Variants in GET3 observed in about 807,000 individuals in gnomAD.
GET3 encodes guided entry of tail-anchored proteins factor 3, ATPase.
Under a neutral mutation model 32.4 loss-of-function variants are expected in GET3, and 15 were observed. The ratio of observed to expected loss-of-function variants is 0.46; its 90% CI spans 0.31 to 0.71. The LOEUF (loss-of-function observed/expected upper bound fraction) is 0.71. Among genes scored for constraint, GET3 ranks in the 30% least tolerant of loss-of-function variants. GET3 has a pLI of 0.05. For missense variants in GET3, 333 were observed against 459.0 expected (o/e 0.73, Z 2.51); for synonymous variants, 198 against 185.6 (o/e 1.07, Z -0.54).
At chr19:12,737,288 AT>A, upstream of GET3, 5 of 599,080 alleles carry the variant, frequency 8.3e-6, no homozygotes, top group Non-Finnish European at 1.1e-5. Flanking sequence ...CGATGTGTTC[AT>A]TAGGTAGGGG....
chr19:12,737,527 TG>T lies in GET3; in HGVS notation c.28del (p.Val10LeufsTer28). MAAGVAGWGVEAEEFEDA... is the reference protein window; with the variant it reads MAAGVAGXGVEAEEFEDA... The stretch of plus-strand genomic sequence containing the variant: ...CAAAATGGCGGCAGGGGTGGCCGGG[TG>T]GGGGGTTGAGGCAGAGGAGTTCGAA... On this transcript the variant is annotated frameshift_variant, in exon 1 of 7. Coordinates refer to ENST00000357332, the MANE Select transcript of GET3 (RefSeq NM_004317.4). LOFTEE classifies it high-confidence loss of function. 5.8e-6 allele frequency: 9 copies of T among 1,551,800 alleles called. No individual in the cohort carries two copies. Among genetic ancestry groups the T allele is most frequent in the Admixed American group, 4.0e-5 (2 of 49,404 alleles).
chr19:12,748,067 T>A lies in GET3; in HGVS notation c.1010T>A (p.Leu337His), dbSNP rs1237201608. Reference protein sequence around the residue: ...GADKVNTFSALLLEPYKPPSA... With the variant: ...GADKVNTFSAHLLEPYKPPSA... ...GACAAGGTCAACACCTTCTCGGCCC[T>A]CCTCCTGGAGCCCTACAAGCCCCCC... is the stretch of plus-strand genomic sequence containing the variant. The change falls in exon 7 of 7, where the codon CTC becomes CAC. Residue 337 changes from leucine to histidine, a missense_variant. Physicochemically the swap from Leu to His is moderately conservative, Grantham distance 99. Coordinates refer to ENST00000357332, the MANE Select transcript of GET3 (RefSeq NM_004317.4). 1 of 1,610,388 alleles carries A rather than the reference T, an allele frequency of 6.2e-7. No homozygotes were observed. The highest frequency in any genetic ancestry group is 1.3e-5 in the African/African-American group (1 of 74,914).
chr19:12,739,284 C>T (rs1967624356), intron 2 of GET3, among the ~76,000 whole-genome samples: 1 of 152,146 alleles, frequency 6.6e-6, no homozygotes, highest in South Asian at 2.1e-4. Context: ...GCTCCTGCCT[C>T]AGCCTCCCGA....
chr19:12,742,680 C>A (rs1967692714), intron 2 of GET3, among the ~76,000 whole-genome samples: 2 of 152,002 alleles, frequency 1.3e-5, no homozygotes, highest in Non-Finnish European at 2.9e-5. Context: ...TCCCAAAGTG[C>A]TGGGATTACA....
In GET3 at chr19:12,748,072, C is replaced by T. The variant is rs1278854291; in HGVS notation, c.1015C>T (p.Leu339=). 6.8e-6 allele frequency: 11 copies of T among 1,610,144 alleles called. No homozygotes were observed. The highest frequency in any genetic ancestry group is 9.3e-6 in the Non-Finnish European group (11 of 1,177,350). Reference sequence around the variant, plus strand: ...GGTCAACACCTTCTCGGCCCTCCTCCTGGAGCCCTACAAGCCCCCCAGTGC... The same window carrying T: ...GGTCAACACCTTCTCGGCCCTCCTCTTGGAGCCCTACAAGCCCCCCAGTGC... The part of the protein sequence containing the change: ...DKVNTFSALL[L]EPYKPPSAQ Residue 339 remains leucine (L), a synonymous_variant, in exon 7 of 7, where the codon CTG becomes TTG. Transcript: ENST00000357332.
rs768874210 is a variant in GET3 at position 12,745,551 on chromosome 19, G to T, written c.458+26G>T. 1.8e-4 allele frequency: 284 copies of T among 1,612,564 alleles called. No homozygotes were observed. The highest frequency in any genetic ancestry group is 2.3e-4 in the Non-Finnish European group (277 of 1,179,996). ...GTCAGGCCCAGCCAGCAGGGGTGGG[G>T]GCTGCCTGGGGAAGGGGAAGAGCGG... On this transcript the variant is annotated intron_variant, in intron 3 of 6. Transcript: ENST00000357332. This position sits in a 1 kb window ranked among gnomAD's most constrained non-coding sequence, Gnocchi z 5.0.
intron 2 of GET3, among the ~76,000 whole-genome samples, chr19:12,744,173 G>A (rs1348642310): frequency 4.9e-5 from 7 of 144,328 alleles, no homozygotes; most frequent in South Asian, 2.3e-4. Context: ...CTGAGATCGC[G>A]CCACTGCACT....
In GET3 at chr19:12,747,674, C is replaced by G. The variant is rs1967799795; in HGVS notation, c.915+82C>G. ...TGATCTTTTGCTCCACCATCTGGCC[C>G]TCTGCCCTCTAGCCTCCTGCCCTTT... On this transcript the variant is annotated intron_variant, in intron 6 of 6. Coordinates refer to ENST00000357332, the MANE Select transcript of GET3 (RefSeq NM_004317.4). The surrounding 1 kb of genome is among the most constrained non-coding windows in gnomAD (Gnocchi z 4.0). The G allele has an allele frequency of 6.7e-7, 1 of 1,484,984 alleles. No homozygotes were observed. Among genetic ancestry groups the G allele is most frequent in the African/African-American group, 1.4e-5 (1 of 71,750 alleles). The allele number at this position is 1,484,984 out of a possible 1,614,324, so 92.0% of individuals were successfully genotyped here. A position where few individuals can be genotyped will look rare whatever the true frequency, so the allele number is the denominator to read the frequency against.
At position 12,747,094 on chromosome 19, in the gene GET3, A is replaced by C; in HGVS notation, c.610-103A>C. 2.3e-6 allele frequency: 2 copies of C among 864,922 alleles called. No homozygotes were observed. The highest frequency in any genetic ancestry group is 3.6e-5 in the South Asian group (2 of 56,324). The allele number at this position is 864,922 out of a possible 1,614,324, so 53.6% of individuals were successfully genotyped here. A position where few individuals can be genotyped will look rare whatever the true frequency, so the allele number is the denominator to read the frequency against. On this transcript the variant is annotated intron_variant, in intron 4 of 6. Transcript: ENST00000357332. This position sits in a 1 kb window ranked among gnomAD's most constrained non-coding sequence, Gnocchi z 4.0. ...ATCTGCTTATGGGCCTGAGCCTTTAACCACTGGGAGGTATCAGGAGTCATC... is the reference window on the plus strand; with the variant it reads ...ATCTGCTTATGGGCCTGAGCCTTTACCCACTGGGAGGTATCAGGAGTCATC...
chr19:12,741,962 C>T (rs921130111), intron 2 of GET3, among the ~76,000 whole-genome samples: 1 of 152,098 alleles, frequency 6.6e-6, no homozygotes, highest in Non-Finnish European at 1.5e-5. Flanking sequence ...CAGGAGTGTT[C>T]GGCCCTCAAG....
In GET3 at chr19:12,747,734, G is replaced by A. The variant is rs903361620; in HGVS notation, c.915+142G>A. ...TTTCAGATCCTTCACCCTTATTCCG[G>A]CCATAGAGGACTGTGGCTGGCCTGG... On this transcript the variant is annotated intron_variant, in intron 6 of 6. Coordinates refer to ENST00000357332, the MANE Select transcript of GET3 (RefSeq NM_004317.4). The surrounding 1 kb of genome is among the most constrained non-coding windows in gnomAD (Gnocchi z 4.0). The A allele has an allele frequency of 8.9e-6, 11 of 1,236,182 alleles. No homozygotes were observed. In the African/African-American group the frequency reaches 1.2e-4, roughly 14 times the overall value. 76.6% of individuals were successfully genotyped at this position (1,236,182 alleles called of 1,614,324 possible). A position where few individuals can be genotyped will look rare whatever the true frequency, so the allele number is the denominator to read the frequency against.
At chr19:12,746,683 G>A (rs192534145) in intron 4 of GET3, among the ~76,000 whole-genome samples, 6 of 152,290 alleles carry the variant, frequency 3.9e-5, no homozygotes, top group African/African-American at 1.4e-4. Flanking sequence ...GGCTCCAGGA[G>A]GGTCAAGCCC....
chr19:12,748,051 A>T lies in GET3; in HGVS notation c.994A>T (p.Asn332Tyr). The change falls in exon 7 of 7, where the codon AAC becomes TAC. Residue 332 changes from asparagine (N) to tyrosine (Y), a missense_variant. Asn to Tyr is a moderately radical substitution (Grantham distance 143). Coordinates refer to ENST00000357332, the MANE Select transcript of GET3 (RefSeq NM_004317.4). ...TGAGGTGCGGGGGGCAGACAAGGTC[A>T]ACACCTTCTCGGCCCTCCTCCTGGA... The part of the protein sequence containing the change: ...PHEVRGADKV[N>Y]TFSALLLEPY... 1 of 1,612,132 alleles carries T rather than the reference A, an allele frequency of 6.2e-7. No individual in the cohort carries two copies. The highest frequency in any genetic ancestry group is 8.5e-7 in the Non-Finnish European group (1 of 1,178,606).
rs369415712 is a variant in GET3 at position 12,743,344 on chromosome 19, C to T, written c.310-2033C>T. On this transcript the variant is annotated intron_variant, in intron 2 of 6. Coordinates refer to ENST00000357332, the MANE Select transcript of GET3 (RefSeq NM_004317.4). ...AATACAAAATTAGCTGGGGTGGTGG[C>T]GCATGCCTGTAATCCCAGCTACTCA... Among the ~76,000 whole-genome samples the T allele has an allele frequency of 4.6e-3, 691 of 151,784 alleles. 6 individuals carry two copies. Among genetic ancestry groups the T allele is most frequent in the African/African-American group, 0.016 (646 of 41,364 alleles).
At chr19:12,737,332 C>T (rs1967587718), upstream of GET3, 12 of 975,882 alleles carry the variant, frequency 1.2e-5, no homozygotes, top group Non-Finnish European at 1.7e-5. Flanking sequence ...CAGAGGTTGA[C>T]AAAGTGAACC....
chr19:12,739,357 G>C (rs944055487), intron 2 of GET3, among the ~76,000 whole-genome samples: 1 of 152,060 alleles, frequency 6.6e-6, no homozygotes, highest in Non-Finnish European at 1.5e-5. Flanking sequence ...TAGGAGACAG[G>C]TTTTCACCAT....
chr19:12,743,722 CTTTT>C (rs776785337), intron 2 of GET3, among the ~76,000 whole-genome samples: 1 of 70,402 alleles, frequency 1.4e-5, no homozygotes, highest in African/African-American at 7.6e-5. Flanking sequence ...GACTCCATCT[CTTTT>C]TTTTTTTTTT....
Position 12,745,773 on chromosome 19 carries a change from G to A in GET3, c.609+14G>A, listed in dbSNP as rs756813327. On this transcript the variant is annotated intron_variant, in intron 4 of 6. Coordinates refer to ENST00000357332, the MANE Select transcript of GET3 (RefSeq NM_004317.4). The surrounding 1 kb of genome is among the most constrained non-coding windows in gnomAD (Gnocchi z 5.0). ...TTCATCTCACAGGCAGGCGGCGGGGGCCCCCACCTGCACCATCCAGGCAGC... is the reference window on the plus strand; with the variant it reads ...TTCATCTCACAGGCAGGCGGCGGGGACCCCCACCTGCACCATCCAGGCAGC... 1.9e-6 allele frequency: 3 copies of A among 1,594,182 alleles called. No homozygotes were observed. The highest frequency in any genetic ancestry group is 1.7e-5 in the Admixed American group (1 of 59,000).
chr19:12,744,028 G>A (rs1458565468), intron 2 of GET3, among the ~76,000 whole-genome samples: 1 of 132,610 alleles, frequency 7.5e-6, no homozygotes, highest in Non-Finnish European at 1.6e-5. Flanking sequence ...ACCACGCCCG[G>A]CCAAGACTCC....
Sources: gnomAD v4.1 joint callset for allele counts (sites outside exome capture counted in the v4.1 genomes callset) on GRCh38, gnomAD v4.1.1 for gene constraint, Gnocchi (gnomAD v3.1) non-coding constraint, MANE v1.5 for transcripts, NCBI Gene and HGNC (gene_info 2026-07-23, HGNC 2026-07-21) for gene names.